ADGRA3: variants seen among roughly 807,000 people sequenced by gnomAD.
ADGRA3 encodes the protein adhesion G protein-coupled receptor A3, also known as G-protein coupled receptor 125.
In ADGRA3, 56 loss-of-function variants were observed where a neutral mutation model predicts 119.8. That is an observed-to-expected ratio of 0.47 (90% CI 0.38 to 0.58). The LOEUF is 0.58. ADGRA3 is among the 20% of genes least tolerant of loss of function. The pLI, the probability that ADGRA3 is intolerant of heterozygous loss-of-function variation, is 0.00. For missense variants in ADGRA3, 1,516 were observed against 1,649.0 expected (o/e 0.92, Z 1.40); for synonymous variants, 607 against 623.8 (o/e 0.97, Z 0.40).
At chr4:22,461,530 C>T (rs1423581211) in intron 3 of ADGRA3, among the ~76,000 whole-genome samples, 1 of 152,168 alleles carries the variant, frequency 6.6e-6, no homozygotes, top group East Asian at 1.9e-4. Flanking sequence ...GAATTCCTGA[C>T]CTCAGGTGAT....
At chr4:22,485,089 C>T (rs1718389414) in intron 1 of ADGRA3, among the ~76,000 whole-genome samples, 1 of 149,942 alleles carries the variant, frequency 6.7e-6, no homozygotes, top group Non-Finnish European at 1.5e-5. Context: ...CACACCAGCA[C>T]TTTTTTTTTT....
At chr4:22,501,225 T>C (rs1036947765) in intron 1 of ADGRA3, among the ~76,000 whole-genome samples, 1 of 152,090 alleles carries the variant, frequency 6.6e-6, no homozygotes, top group Admixed American at 6.5e-5. Flanking sequence ...TAATATACCT[T>C]TATATTAGGT....
rs192904618 is a variant in ADGRA3, at chr4:22,489,085, A to T, written c.258-15242T>A. Among the ~76,000 whole-genome samples, 179 of 152,220 alleles carry T rather than the reference A, an allele frequency of 1.2e-3. No individual in the cohort carries two copies. In the Middle Eastern group the frequency reaches 0.017, roughly 14 times the overall value. On this transcript the variant is annotated intron_variant, in intron 1 of 18. Coordinates refer to ENST00000334304, the MANE Select transcript of ADGRA3 (RefSeq NM_145290.4). ...TTATAAAGGAAAAGAGATTTAATGG[A>T]CTCACAGTTCCACATGGCTGGGGAG...
intron 14 of ADGRA3, among the ~76,000 whole-genome samples, chr4:22,408,105 AAATTTAAAGATT>A (rs1405072336): frequency 6.6e-6 from 1 of 152,132 alleles, no homozygotes; most frequent in East Asian, 1.9e-4. Flanking sequence ...CAAAGAATAC[AAATTTAAAGATT>A]TTATTCTCCC....
intron 1 of ADGRA3, among the ~76,000 whole-genome samples, chr4:22,484,709 G>A (rs1335835798): frequency 1.3e-5 from 2 of 152,060 alleles, no homozygotes; most frequent in African/African-American, 2.4e-5. Context: ...TGACAGAGGT[G>A]CTAAGGAAGT....
At chr4:22,435,497 A>C (rs761153604) in intron 9 of ADGRA3, 31 bp from the exon 10 acceptor site, 11 of 1,556,744 alleles carry the variant, frequency 7.1e-6, no homozygotes, top group Non-Finnish European at 9.7e-6. Flanking sequence ...TGATCAACAA[A>C]ACAGTCATTA....
intron 16 of ADGRA3, chr4:22,398,174 T>C: frequency 5.2e-6 from 5 of 959,908 alleles, no homozygotes; most frequent in Non-Finnish European, 6.2e-6. Context: ...TGAGAGGTAA[T>C]TTCATCAATA....
chr4:22,449,656 G>A (rs918136510), intron 4 of ADGRA3, among the ~76,000 whole-genome samples: 2 of 152,052 alleles, frequency 1.3e-5, no homozygotes, highest in African/African-American at 4.8e-5. Flanking sequence ...AGACCAGCCT[G>A]GCCAACAGGT....
intron 2 of ADGRA3, among the ~76,000 whole-genome samples, chr4:22,469,399 T>C (rs1442775687): frequency 2.0e-5 from 3 of 152,186 alleles, no homozygotes; most frequent in African/African-American, 7.2e-5. Flanking sequence ...ACACAGTAAC[T>C]CTCAATCACT....
intron 16 of ADGRA3, among the ~76,000 whole-genome samples, chr4:22,401,037 T>C (rs1714614193): frequency 6.6e-6 from 1 of 152,226 alleles, no homozygotes; most frequent in Non-Finnish European, 1.5e-5. Flanking sequence ...CATTTTTATA[T>C]CTTTATGATT....
chr4:22,454,860 A>G lies in ADGRA3; in HGVS notation c.473+6T>C, dbSNP rs775796772. 4 of 1,605,844 alleles carry G rather than the reference A, an allele frequency of 2.5e-6. No homozygotes were observed. The South Asian group carries it at 4.4e-5, about 18-fold the overall frequency. On this transcript the variant is annotated splice_donor_region_variant and intron_variant, in intron 4 of 18. Coordinates refer to ENST00000334304, the MANE Select transcript of ADGRA3 (RefSeq NM_145290.4). ...TCTTTTAATGGGAAAGAAAAGATAT[A>G]CTTACAGCCGAACCAGATTGGTGAG... is the stretch of plus-strand genomic sequence containing the variant.
At chr4:22,391,234 C>T (rs1280160930) in intron 17 of ADGRA3, among the ~76,000 whole-genome samples, 2 of 152,118 alleles carry the variant, frequency 1.3e-5, no homozygotes, top group African/African-American at 2.4e-5. Flanking sequence ...CTCTGCTGAG[C>T]CCTGGACTTC....
At chr4:22,498,859 A>G (rs1718947380) in intron 1 of ADGRA3, among the ~76,000 whole-genome samples, 1 of 152,112 alleles carries the variant, frequency 6.6e-6, no homozygotes, top group African/African-American at 2.4e-5. Flanking sequence ...GGTTTCAGTG[A>G]GCAGAGATCA....
intron 14 of ADGRA3, among the ~76,000 whole-genome samples, chr4:22,409,796 A>C (rs1054829721): frequency 1.3e-5 from 2 of 152,208 alleles, no homozygotes; most frequent in Non-Finnish European, 2.9e-5. Context: ...AATGCAAAAA[A>C]ATAGGAACAT....
intron 1 of ADGRA3, among the ~76,000 whole-genome samples, chr4:22,475,385 G>T (rs575980167): frequency 4.1e-4 from 63 of 152,250 alleles, no homozygotes; most frequent in African/African-American, 1.5e-3. Flanking sequence ...ACCAAACATG[G>T]TATGTTATCA....
Position 22,413,674 on chromosome 4 carries a change from A to G in ADGRA3, c.1950T>C (p.Thr650=), listed in dbSNP as rs1431931934. The change falls in exon 13 of 19, where the codon ACT becomes ACC. Residue 650 remains threonine (T), a synonymous_variant. Coordinates refer to ENST00000334304, the MANE Select transcript of ADGRA3 (RefSeq NM_145290.4). Reference sequence around the variant, plus strand: ...CATCAGCCAAATTTGTTGAATTTCCAGTGGCTGGAAAAAGCTTTCCATTGC... The same window carrying G: ...CATCAGCCAAATTTGTTGAATTTCCGGTGGCTGGAAAAAGCTTTCCATTGC... ...AFRNGKLFPA[T]GNSTNLADDG... The G allele has an allele frequency of 7.4e-6, 12 of 1,614,062 alleles. No individual in the cohort carries two copies. The highest frequency in any genetic ancestry group is 1.1e-5 in the South Asian group (1 of 91,088).
intron 1 of ADGRA3, among the ~76,000 whole-genome samples, chr4:22,480,367 A>AT (rs899264253): frequency 6.6e-6 from 1 of 152,082 alleles, no homozygotes; most frequent in African/African-American, 2.4e-5. Context: ...GCCACTCAAT[A>AT]TTTTGCTATA....
At chr4:22,451,730 T>C (rs538968684) in intron 4 of ADGRA3, among the ~76,000 whole-genome samples, 129 of 152,256 alleles carry the variant, frequency 8.5e-4, no homozygotes, top group Non-Finnish European at 1.7e-3. Flanking sequence ...CCAAGGAAGT[T>C]TGAGGTCCCC....
chr4:22,431,613 G>T (rs191620776), intron 10 of ADGRA3, among the ~76,000 whole-genome samples: 1 of 152,148 alleles, frequency 6.6e-6, no homozygotes, highest in Non-Finnish European at 1.5e-5. Context: ...CTGCTGCCAT[G>T]TAAGACATGA....
Sources: gnomAD v4.1 joint callset for allele counts (sites outside exome capture counted in the v4.1 genomes callset) on GRCh38, gnomAD v4.1.1 for gene constraint, MANE v1.5 for transcripts, NCBI Gene and HGNC (gene_info 2026-07-23, HGNC 2026-07-21) for gene names.